ELP3: variants seen among roughly 807,000 people sequenced by gnomAD.
ELP3 encodes the protein elongator acetyltransferase complex subunit 3, also known as elongator complex protein 3.
A neutral mutation model predicts 74.9 loss-of-function variants in ELP3; 56 were observed. The observed-to-expected ratio is 0.75, with a 90% CI of 0.60 to 0.93. The LOEUF (loss-of-function observed/expected upper bound fraction) is 0.93. ELP3 is among the 40% of genes least tolerant of loss of function. The pLI, the probability that ELP3 is intolerant of heterozygous loss-of-function variation, is 0.00. For missense variants in ELP3, 573 were observed against 686.5 expected, an observed-to-expected ratio of 0.83 and a Z score of 1.85; for synonymous variants, 222 against 239.8, an observed-to-expected ratio of 0.93 and a Z score of 0.68.
Position 28,137,909 on chromosome 8 carries a change from A to G in ELP3, c.1100+18A>G, listed in dbSNP as rs563112464. ...GTACAGAGGTAGTGTGTTATCTTTT[A>G]TTCCTAAAATAGTTGGTGACTAGTC... On this transcript the variant is annotated intron_variant, in intron 10 of 14. Coordinates refer to ENST00000256398, the MANE Select transcript of ELP3 (RefSeq NM_018091.6). 13 of 1,550,882 alleles carry G rather than the reference A, an allele frequency of 8.4e-6. No homozygotes were observed. The South Asian group carries it at 1.2e-4, about 15-fold the overall frequency.
chr8:28,137,377 A>G (rs1469414665), intron 9 of ELP3, among the ~76,000 whole-genome samples: 1 of 152,162 alleles, frequency 6.6e-6, no homozygotes, highest in Non-Finnish European at 1.5e-5. Context: ...ATAAAGAAAA[A>G]TTGATGAACT....
chr8:28,093,030 A>C, upstream of ELP3: 1 of 950,982 alleles, frequency 1.1e-6, no homozygotes, highest in Non-Finnish European at 1.6e-6. Flanking sequence ...GCCGCCTGCT[A>C]CCCTGTTAGT....
At chr8:28,110,279 A>C in intron 5 of ELP3, 91 bp from the exon 6 acceptor site, 3 of 1,101,886 alleles carry the variant, frequency 2.7e-6, no homozygotes, top group Non-Finnish European at 4.1e-6. Flanking sequence ...AGTGTTCGGA[A>C]CCATGGAGAG....
At position 28,190,392 on chromosome 8, in the gene ELP3, A is replaced by C. The variant is rs907126191; in HGVS notation, c.*667A>C. The C allele has an allele frequency of 6.6e-6, 1 of 152,164 alleles. No individual in the cohort carries two copies. The highest frequency in any genetic ancestry group is 1.5e-5 in the Non-Finnish European group (1 of 68,100). 9.4% of individuals were successfully genotyped at this position (152,164 alleles called of 1,614,324 possible). ...CGAGACGGCGATGACAAAGAGCTTC[A>C]TTCCACATTCTTTGTTATCTCTACT... On this transcript the variant is annotated 3_prime_UTR_variant, in exon 15 of 15. Transcript: ENST00000256398.
intron 2 of ELP3, among the ~76,000 whole-genome samples, chr8:28,098,969 C>G (rs1811364653): frequency 6.6e-6 from 1 of 152,184 alleles, no homozygotes; most frequent in African/African-American, 2.4e-5. Context: ...ATCATTTATA[C>G]ATTAATTTTC....
upstream of ELP3, chr8:28,090,476 T>TGGGG: frequency 1.7e-5 from 4 of 238,514 alleles, no homozygotes; most frequent in Non-Finnish European, 3.3e-5. Flanking sequence ...CATAGTCTGA[T>TGGGG]GGGTGGGTGT....
intron 3 of ELP3, among the ~76,000 whole-genome samples, chr8:28,101,788 C>G (rs1296877076): frequency 1.3e-5 from 2 of 152,072 alleles, no homozygotes; most frequent in African/African-American, 2.4e-5. Flanking sequence ...CAGGGTTTCA[C>G]TATGTTGGCC....
intron 11 of ELP3, among the ~76,000 whole-genome samples, chr8:28,157,699 A>T (rs1036574561): frequency 1.3e-5 from 2 of 152,148 alleles, no homozygotes; most frequent in Non-Finnish European, 2.9e-5. Context: ...GGTTTGTTCT[A>T]TGGGGGGGAA....
At position 28,101,646 on chromosome 8, in the gene ELP3, G is replaced by A. The variant is rs185770988; in HGVS notation, c.258+1680G>A. 8.2e-3 allele frequency among the ~76,000 whole-genome samples: 1,224 copies of A among 149,536 alleles called. 10 individuals carry two copies. Among genetic ancestry groups the A allele is most frequent in the Non-Finnish European group, 0.014 (960 of 67,802 alleles). ...GTTCTGTTGCCCAGGCAGGAGTACA[G>A]TGGTACGATCTTGGCTCACTGCAAC... On this transcript the variant is annotated intron_variant, in intron 3 of 14. Coordinates refer to ENST00000256398, the MANE Select transcript of ELP3 (RefSeq NM_018091.6).
intron 14 of ELP3, among the ~76,000 whole-genome samples, chr8:28,164,127 C>T (rs916022863): frequency 4.6e-5 from 7 of 152,176 alleles, no homozygotes; most frequent in African/African-American, 1.4e-4. Context: ...TGCTCTACAT[C>T]ATTTCGTCTG....
At chr8:28,188,021 C>T (rs1249406630) in intron 14 of ELP3, among the ~76,000 whole-genome samples, 1 of 152,116 alleles carries the variant, frequency 6.6e-6, no homozygotes, top group Non-Finnish European at 1.5e-5. Flanking sequence ...TAAGGAAGGG[C>T]AGCCAGCGAG....
intron 7 of ELP3, among the ~76,000 whole-genome samples, chr8:28,125,398 G>C (rs1585673521): frequency 6.6e-6 from 1 of 152,228 alleles, no homozygotes; most frequent in Non-Finnish European, 1.5e-5. Context: ...TCTTGTGAGA[G>C]TTTAAGCAGG....
intron 3 of ELP3, among the ~76,000 whole-genome samples, chr8:28,106,056 T>C (rs1394704430): frequency 6.6e-6 from 1 of 152,254 alleles, no homozygotes; most frequent in Non-Finnish European, 1.5e-5. Context: ...ATTTTTTTCT[T>C]ACAGGCTGTT....
intron 10 of ELP3, among the ~76,000 whole-genome samples, chr8:28,151,021 T>C (rs1054768689): frequency 3.3e-5 from 5 of 152,182 alleles, no homozygotes; most frequent in Non-Finnish European, 7.4e-5. Flanking sequence ...GTGATCTTCC[T>C]GCCTCGGCCT....
chr8:28,153,040 C>T (rs59061949), intron 10 of ELP3, among the ~76,000 whole-genome samples: 19,551 of 152,010 alleles, frequency 0.13, 1,373 homozygotes, highest in East Asian at 0.31. Context: ...GTAGGTCCTA[C>T]ATCCTACCTT....
chr8:28,185,223 G>A (rs572598144), intron 14 of ELP3, among the ~76,000 whole-genome samples: 1 of 152,206 alleles, frequency 6.6e-6, no homozygotes, highest in Non-Finnish European at 1.5e-5. Flanking sequence ...TCAGGAAGCT[G>A]CCTCTTAATC....
At chr8:28,129,784 CT>C in intron 8 of ELP3, 121 bp downstream of exon 8, 2 of 1,110,602 alleles carry the variant, frequency 1.8e-6, no homozygotes, top group South Asian at 3.0e-5. Context: ...GGTATTCCTC[CT>C]TTTCAGAGTT....
intron 2 of ELP3, among the ~76,000 whole-genome samples, chr8:28,099,271 A>AT (rs891644732): frequency 1.0e-4 from 15 of 150,588 alleles, no homozygotes; most frequent in South Asian, 4.2e-4. Context: ...GCCATCCTTG[A>AT]TTTTTTTTTT....
chr8:28,163,346 C>G (rs563875035), intron 14 of ELP3, among the ~76,000 whole-genome samples: 53 of 152,126 alleles, frequency 3.5e-4, no homozygotes, highest in African/African-American at 1.2e-3. Flanking sequence ...ATCATCTCTT[C>G]TGAAAATGAA....
Sources: gnomAD v4.1 joint callset for allele counts (sites outside exome capture counted in the v4.1 genomes callset) on GRCh38, gnomAD v4.1.1 for gene constraint, MANE v1.5 for transcripts, NCBI Gene and HGNC (gene_info 2026-07-23, HGNC 2026-07-21) for gene names.